ST18: variants seen among roughly 807,000 people sequenced by gnomAD.
ST18 encodes suppression of tumorigenicity 18 protein.
In ST18, 50 loss-of-function variants were observed where a neutral mutation model predicts 110.0. That is an observed-to-expected ratio of 0.45 (90% confidence interval 0.36 to 0.58). The LOEUF (loss-of-function observed/expected upper bound fraction) is 0.58, where lower values mean the gene tolerates loss of function less well. Among genes scored for constraint, ST18 ranks in the 20% least tolerant of loss-of-function variants. The probability of loss-of-function intolerance (pLI) is 0.00; values close to 1 mark genes in which losing one functional copy is unlikely to be tolerated. For missense variants in ST18, 1,306 were observed against 1,280.1 expected, an observed-to-expected ratio of 1.02 and a Z score of -0.31; for synonymous variants, 461 against 452.4, an observed-to-expected ratio of 1.02 and a Z score of -0.24.
intron 2 of ST18, among the ~76,000 whole-genome samples, chr8:52,387,372 C>G (rs1480114687): frequency 2.0e-5 from 3 of 152,150 alleles, no homozygotes; most frequent in Non-Finnish European, 4.4e-5. Context: ...GAGTCACTGT[C>G]ACTATTACCA....
chr8:52,310,128 C>T (rs947361524), intron 2 of ST18, among the ~76,000 whole-genome samples: 1 of 152,172 alleles, frequency 6.6e-6, no homozygotes, highest in African/African-American at 2.4e-5. Flanking sequence ...CACTGCAATG[C>T]TTAAAATATG....
At chr8:52,312,036 A>T (rs964554313) in intron 2 of ST18, among the ~76,000 whole-genome samples, 5 of 152,332 alleles carry the variant, frequency 3.3e-5, no homozygotes, top group Middle Eastern at 6.8e-3. Flanking sequence ...CCTTTGCATT[A>T]ACCTCTCATA....
chr8:52,208,735 G>C (rs1367715002), intron 8 of ST18, among the ~76,000 whole-genome samples: 1 of 152,200 alleles, frequency 6.6e-6, no homozygotes, highest in Non-Finnish European at 1.5e-5. Context: ...GGAGAATGGC[G>C]TGAGCCCGGG....
intron 25 of ST18, among the ~76,000 whole-genome samples, chr8:52,114,898 CA>C (rs2041993490): frequency 6.6e-6 from 1 of 152,164 alleles, no homozygotes; most frequent in South Asian, 2.1e-4. Flanking sequence ...GGTGAGTATA[CA>C]AGGCACAGGT....
chr8:52,166,928 C>G lies in ST18; in HGVS notation c.1128G>C (p.Thr376=). ...TKCPIPGCDG[T]GHVTGLYPHH... is the part of the protein sequence containing the mutation. ...GCGGGTAGAGCCCTGTCACGTGTCC[C>G]GTGCCATCACATCCAGGGATCGGGC... Residue 376 remains threonine, a synonymous_variant, in exon 11 of 26, where the codon ACG becomes ACC. Transcript: ENST00000689386. 6.2e-7 allele frequency: 1 copy of G among 1,612,530 alleles called. No individual in the cohort carries two copies. Among genetic ancestry groups the G allele is most frequent in the Non-Finnish European group, 8.5e-7 (1 of 1,178,838 alleles).
chr8:52,195,603 G>A (rs1334635332), intron 8 of ST18, among the ~76,000 whole-genome samples: 1 of 152,086 alleles, frequency 6.6e-6, no homozygotes, highest in Non-Finnish European at 1.5e-5. Context: ...AACTTTTAAA[G>A]AAGATTATTG....
intron 6 of ST18, among the ~76,000 whole-genome samples, chr8:52,217,521 C>T (rs1422918864): frequency 6.6e-6 from 1 of 151,874 alleles, no homozygotes; most frequent in African/African-American, 2.4e-5. Flanking sequence ...GCTTAATGTC[C>T]CAGTTTTCTG....
At chr8:52,289,803 A>G (rs1459118260) in intron 2 of ST18, among the ~76,000 whole-genome samples, 7 of 152,170 alleles carry the variant, frequency 4.6e-5, no homozygotes, top group Non-Finnish European at 8.8e-5. Flanking sequence ...CAGGAGCCAC[A>G]TGGAGCAAAT....
At position 52,210,214 on chromosome 8, in the gene ST18, G is replaced by C. The variant is rs182426614; in HGVS notation, c.86+1865C>G. 7 of 431,354 alleles carry C rather than the reference G, an allele frequency of 1.6e-5. No individual in the cohort carries two copies. The Admixed American group carries it at 1.6e-4, about 10-fold the overall frequency. The allele number at this position is 431,354 out of a possible 1,614,324, so 26.7% of individuals were successfully genotyped here. On this transcript the variant is annotated intron_variant, in intron 8 of 25. Transcript: ENST00000689386. ...AAACTTCTCTTGACTATTCTACAGG[G>C]GACATAAATAAAGCCTCCAGAAATA...
chr8:52,321,096 ATT>A (rs1262772342), intron 2 of ST18, among the ~76,000 whole-genome samples: 2 of 152,142 alleles, frequency 1.3e-5, no homozygotes, highest in Non-Finnish European at 2.9e-5. Flanking sequence ...AAAGTCACAG[ATT>A]TTCAGTCACA....
intron 2 of ST18, among the ~76,000 whole-genome samples, chr8:52,243,248 G>C (rs1027129662): frequency 2.6e-5 from 4 of 152,146 alleles, no homozygotes; most frequent in Admixed American, 6.5e-5. Context: ...AAAGTTCATG[G>C]AGTTATAGAA....
intron 8 of ST18, among the ~76,000 whole-genome samples, chr8:52,194,039 G>T (rs1298180218): frequency 6.6e-6 from 1 of 150,928 alleles, no homozygotes; most frequent in Non-Finnish European, 1.5e-5. Flanking sequence ...TAAAAGGGGA[G>T]AATTTTTTTT....
rs952126860 is a variant in ST18 at position 52,183,304 on chromosome 8, C to A, written c.87-2992G>T. On this transcript the variant is annotated intron_variant, in intron 8 of 25. Transcript: ENST00000689386. The stretch of plus-strand genomic sequence containing the variant: ...TACTGAGTTGCAGCAATGAGAAACA[C>A]CTTGCAAAGTAATAAACTAAGACAC... 5.9e-5 allele frequency among the ~76,000 whole-genome samples: 9 copies of A among 152,236 alleles called. No homozygotes were observed. In the East Asian group the frequency reaches 9.7e-4, roughly 16 times the overall value.
chr8:52,223,745 A>C (rs1465130241), intron 3 of ST18, among the ~76,000 whole-genome samples: 2 of 152,162 alleles, frequency 1.3e-5, no homozygotes, highest in Non-Finnish European at 2.9e-5. Flanking sequence ...AAGGGCAAGT[A>C]AGTTTAACAT....
chr8:52,214,522 C>T (rs971872929), intron 6 of ST18, among the ~76,000 whole-genome samples: 5 of 152,126 alleles, frequency 3.3e-5, no homozygotes, highest in Non-Finnish European at 5.9e-5. Context: ...GACTCAAACA[C>T]TTCTGGCATT....
intron 2 of ST18, among the ~76,000 whole-genome samples, chr8:52,394,765 T>G (rs1234042795): frequency 1.3e-5 from 2 of 152,234 alleles, no homozygotes; most frequent in Non-Finnish European, 2.9e-5. Flanking sequence ...CCACACAGTT[T>G]TGTTTGTTTC....
intron 15 of ST18, among the ~76,000 whole-genome samples, chr8:52,153,905 C>A (rs1213463175): frequency 2.1e-4 from 32 of 152,250 alleles, no homozygotes; most frequent in Admixed American, 2.0e-3. Context: ...ATGTGAGCCA[C>A]ATGCTTGCTT....
In ST18 at chr8:52,287,865, G is replaced by A. The variant is rs939549397; in HGVS notation, c.-464-57788C>T. Among the ~76,000 whole-genome samples, 11 of 152,116 alleles carry A rather than the reference G, an allele frequency of 7.2e-5. No homozygotes were observed. The South Asian group carries it at 1.0e-3, about 14-fold the overall frequency. On this transcript the variant is annotated intron_variant, in intron 2 of 25. Transcript: ENST00000689386. ...CGTCTTAATTTACACTAATTTTACC[G>A]GAGTCAATTCAGCTTCTGAGGGCTT...
At chr8:52,210,223 T>C in intron 8 of ST18, 1 of 426,822 alleles carries the variant, frequency 2.3e-6, no homozygotes. Flanking sequence ...GGGACATAAA[T>C]AAAGCCTCCA....
Sources: allele counts gnomAD v4.1 joint callset (sites outside exome capture counted in the v4.1 genomes callset), GRCh38; gene constraint gnomAD v4.1.1; transcripts MANE v1.5; gene names NCBI Gene and HGNC (gene_info 2026-07-23, HGNC 2026-07-21).